SRPRA: variants seen among roughly 807,000 people sequenced by gnomAD.
SRPRA encodes signal recognition particle receptor subunit alpha.
Under a neutral mutation model 61.1 loss-of-function variants are expected in SRPRA, and 30 were observed. That is an observed-to-expected ratio of 0.49 (90% CI 0.37 to 0.67). The LOEUF is 0.67. Ranked by LOEUF, SRPRA falls within the 30% of genes least tolerant of loss-of-function variation. SRPRA has a pLI of 0.00. For missense variants in SRPRA, 759 were observed against 828.4 expected, an observed-to-expected ratio of 0.92 and a Z score of 1.03; for synonymous variants, 324 against 299.7, an observed-to-expected ratio of 1.08 and a Z score of -0.84.
rs1364217167 is a variant in SRPRA at position 126,267,096 on chromosome 11, A to G, written c.526+79T>C. ...GAGTGAGAAGCAGGTAAGCAATGAC[A>G]AAAGGAAGGACCACCTCAGTCCTTA... On this transcript the variant is annotated intron_variant, in intron 4 of 13. Transcript: ENST00000332118. The surrounding 1 kb of genome is among the most constrained non-coding windows in gnomAD (Gnocchi z 4.2). 2 of 1,570,794 alleles carry G rather than the reference A, an allele frequency of 1.3e-6. No individual in the cohort carries two copies. Among genetic ancestry groups the G allele is most frequent in the Non-Finnish European group, 1.7e-6 (2 of 1,156,436 alleles).
the SRPRA span, among the ~76,000 whole-genome samples, chr11:126,237,330 C>G: frequency 6.9e-6 from 1 of 144,402 alleles, no homozygotes; most frequent in Non-Finnish European, 1.5e-5. Context: ...AAGCAATTCT[C>G]CTGCCTCAGC....
chr11:126,245,927 C>T, the SRPRA span, among the ~76,000 whole-genome samples: 8 of 149,382 alleles, frequency 5.4e-5, no homozygotes, highest in Non-Finnish European at 1.0e-4. Context: ...ACCCGGGAGG[C>T]GGAGGTTGCA....
the SRPRA span, among the ~76,000 whole-genome samples, chr11:126,236,056 T>G: frequency 6.6e-6 from 1 of 152,224 alleles, no homozygotes; most frequent in African/African-American, 2.4e-5. Flanking sequence ...GTGTCATGGA[T>G]TCTTCCTTCT....
rs1455208013 is a variant in SRPRA, at chr11:126,264,772, A to AT, written c.1525+186dup. ...AAATTCAGGTTTCTCTGGTTAAGGT[A>AT]TATTAGCTTTGCCTGCAACTACATC... On this transcript the variant is annotated intron_variant, in intron 11 of 13. Coordinates refer to ENST00000332118, the MANE Select transcript of SRPRA (RefSeq NM_003139.4). The surrounding 1 kb of genome is among the most constrained non-coding windows in gnomAD (Gnocchi z 5.0). 1 of 756,358 alleles carries AT rather than the reference A, an allele frequency of 1.3e-6. No individual in the cohort carries two copies. The allele number at this position is 756,358 out of a possible 1,614,324, so 46.9% of individuals were successfully genotyped here. A position where few individuals can be genotyped will look rare whatever the true frequency, so the allele number is the denominator to read the frequency against.
At chr11:126,239,716 G>C in the SRPRA span, among the ~76,000 whole-genome samples, 1 of 152,150 alleles carries the variant, frequency 6.6e-6, no homozygotes, top group African/African-American at 2.4e-5. Context: ...GTTTCACCAT[G>C]TTGGCCAGGC....
the SRPRA span, among the ~76,000 whole-genome samples, chr11:126,242,851 C>G: frequency 1.3e-5 from 2 of 152,310 alleles, no homozygotes; most frequent in South Asian, 2.1e-4. Flanking sequence ...TATGAACCAG[C>G]AACTGCACTC....
At chr11:126,261,578 C>A, downstream of SRPRA, 1 of 1,003,774 alleles carries the variant, frequency 1.0e-6, no homozygotes, top group Non-Finnish European at 1.5e-6. Flanking sequence ...CTTTGGACCT[C>A]ACATTGCCAA....
Position 126,267,815 on chromosome 11 carries a change from G to T in SRPRA, c.202-103C>A. On this transcript the variant is annotated intron_variant, in intron 2 of 13. Coordinates refer to ENST00000332118, the MANE Select transcript of SRPRA (RefSeq NM_003139.4). The surrounding 1 kb of genome is among the most constrained non-coding windows in gnomAD (Gnocchi z 4.2). Reference sequence around the variant, plus strand: ...TTTCAGAGATAGGTTCAGCTACCTGGCCGGTTTCCCTGTCCTGAGAGGCAG... The same window carrying T: ...TTTCAGAGATAGGTTCAGCTACCTGTCCGGTTTCCCTGTCCTGAGAGGCAG... 1.3e-6 allele frequency: 2 copies of T among 1,524,916 alleles called. No individual in the cohort carries two copies. The highest frequency in any genetic ancestry group is 1.2e-5 in the South Asian group (1 of 82,770). The allele number at this position is 1,524,916 out of a possible 1,614,324, so 94.5% of individuals were successfully genotyped here.
the SRPRA span, among the ~76,000 whole-genome samples, chr11:126,252,047 C>T: frequency 6.6e-6 from 1 of 151,878 alleles, no homozygotes; most frequent in East Asian, 1.9e-4. This position sits in a 1 kb window ranked among gnomAD's most constrained non-coding sequence, Gnocchi z 4.7. Context: ...AGTGCAATGG[C>T]ATGATCTCAG....
Position 126,266,017 on chromosome 11 carries a change from A to G in SRPRA, c.997T>C (p.Leu333=), listed in dbSNP as rs372891924. The change falls in exon 8 of 14, where the codon TTG becomes CTG. Residue 333 remains leucine (L), a synonymous_variant. Coordinates refer to ENST00000332118, the MANE Select transcript of SRPRA (RefSeq NM_003139.4). ...MLKGLVGSKS[L]SREDMESVLD... ...ACAGATTCCATGTCTTCACGACTCA[A>G]GCTCTTTGAACCCACAAGGCCCTTC... 6.2e-7 allele frequency: 1 copy of G among 1,614,186 alleles called. No homozygotes were observed. The highest frequency in any genetic ancestry group is 8.5e-7 in the Non-Finnish European group (1 of 1,180,046).
At chr11:126,252,903 T>C in the SRPRA span, among the ~76,000 whole-genome samples, 1 of 152,060 alleles carries the variant, frequency 6.6e-6, no homozygotes. This position sits in a 1 kb window ranked among gnomAD's most constrained non-coding sequence, Gnocchi z 4.7. Flanking sequence ...GGAGTGGTGG[T>C]GCACGCCTGT....
At position 126,266,287 on chromosome 11, in the gene SRPRA, T is replaced by TA. The variant is rs751486910; in HGVS notation, c.841-10dup. On this transcript the variant is annotated splice_polypyrimidine_tract_variant and intron_variant, in intron 6 of 13. Coordinates refer to ENST00000332118, the MANE Select transcript of SRPRA (RefSeq NM_003139.4). ...GACCCAGTCCCTCGAATCTGGAAGA[T>TA]ACGGGGAAAGGATGTGGGGTCAGGA... 1.2e-4 allele frequency: 198 copies of TA among 1,613,996 alleles called. No homozygotes were observed. Among genetic ancestry groups the TA allele is most frequent in the Admixed American group, 3.5e-4 (21 of 60,016 alleles).
chr11:126,249,292 A>T, the SRPRA span, among the ~76,000 whole-genome samples: 1 of 152,264 alleles, frequency 6.6e-6, no homozygotes, highest in Non-Finnish European at 1.5e-5. Context: ...TTTTTAATTT[A>T]AAAAACGTAT....
At chr11:126,258,743 C>T (rs1950621659), downstream of SRPRA, among the ~76,000 whole-genome samples, 1 of 152,236 alleles carries the variant, frequency 6.6e-6, no homozygotes, top group African/African-American at 2.4e-5. Context: ...CCAAGTTCTA[C>T]ATATTTCTTT....
At chr11:126,261,481 A>G, downstream of SRPRA, 1 of 1,611,630 alleles carries the variant, frequency 6.2e-7, no homozygotes, top group Non-Finnish European at 8.5e-7. Flanking sequence ...CAGTGAAATA[A>G]GAGGTATACT....
chr11:126,254,024 A>C, the SRPRA span, among the ~76,000 whole-genome samples: 1 of 152,206 alleles, frequency 6.6e-6, no homozygotes, highest in Admixed American at 6.5e-5. Flanking sequence ...CATGCATGCC[A>C]CCAGTGCAAA....
the SRPRA span, chr11:126,244,928 T>A: frequency 1.3e-5 from 2 of 152,224 alleles, no homozygotes; most frequent in Admixed American, 1.3e-4. The surrounding 1 kb of genome is among the most constrained non-coding windows in gnomAD (Gnocchi z 4.5). Context: ...TTAATATTAT[T>A]AAGATGGAAT....
the SRPRA span, among the ~76,000 whole-genome samples, chr11:126,257,605 ATT>A: frequency 9.9e-5 from 14 of 140,924 alleles, no homozygotes; most frequent in Admixed American, 1.4e-4. Flanking sequence ...AGAATTGTAC[ATT>A]TTTTTTTTTT....
rs762430455 is a variant in SRPRA, at chr11:126,266,881, C to T, written c.568G>A (p.Glu190Lys). Reference protein sequence around the residue: ...PLATSKPVPAEKSGLPVGPEN... With the variant: ...PLATSKPVPAKKSGLPVGPEN... ...GGACCCACTGGAAGACCTGACTTTT[C>T]TGCAGGGACTGGTTTGCTGGTAGCC... The change falls in exon 5 of 14, where the codon GAA becomes AAA. Residue 190 changes from glutamate (E) to lysine (K), a missense_variant. Around this residue, in one of 2 missense-constraint regions of SRPRA, gnomAD observed 475 missense variants for 462.5 expected, o/e 1.03. Coordinates refer to ENST00000332118, the MANE Select transcript of SRPRA (RefSeq NM_003139.4). 2.5e-6 allele frequency: 4 copies of T among 1,614,196 alleles called. No individual in the cohort carries two copies. The Admixed American group carries it at 6.7e-5, about 27-fold the overall frequency.
Sources: allele counts gnomAD v4.1 joint callset (sites outside exome capture counted in the v4.1 genomes callset), GRCh38; gene constraint gnomAD v4.1.1; regional missense constraint gnomAD v4.1.1; non-coding constraint Gnocchi (gnomAD v3.1); transcripts MANE v1.5; gene names NCBI Gene and HGNC (gene_info 2026-07-23, HGNC 2026-07-21).